KCNIP4: variants seen among roughly 807,000 people sequenced by gnomAD.
The protein encoded by KCNIP4 is Kv channel-interacting protein 4.
Under a neutral mutation model 34.0 loss-of-function variants are expected in KCNIP4, and 12 were observed. The ratio of observed to expected loss-of-function variants is 0.35; its 90% CI spans 0.23 to 0.57. The LOEUF (loss-of-function observed/expected upper bound fraction) is 0.57, where lower values mean the gene tolerates loss of function less well. Among genes scored for constraint, KCNIP4 ranks in the 20% least tolerant of loss-of-function variants. KCNIP4 has a pLI of 0.83. For synonymous variants in KCNIP4, 124 were observed against 102.2 expected, an observed-to-expected ratio of 1.21 and a Z score of -1.29; for missense variants, 238 against 311.7, an observed-to-expected ratio of 0.76 and a Z score of 1.78.
In KCNIP4 at chr4:21,371,406, G is replaced by A. The variant is rs1217493856; in HGVS notation, c.62-488697C>T. Among the ~76,000 whole-genome samples, 2 of 146,232 alleles carry A rather than the reference G, an allele frequency of 1.4e-5. 1 individual carries two copies. Among genetic ancestry groups the A allele is most frequent in the African/African-American group, 5.5e-5 (2 of 36,072 alleles). ...GATGTGTGCTGGCAGACACCTCTGG[G>A]GGAAAGAAAGGAAAATATGAGTTAT... On this transcript the variant is annotated intron_variant, in intron 1 of 8. Coordinates refer to ENST00000382152, the MANE Select transcript of KCNIP4 (RefSeq NM_025221.6).
intron 1 of KCNIP4, among the ~76,000 whole-genome samples, chr4:21,012,111 C>T (rs1739110807): frequency 6.6e-6 from 1 of 152,194 alleles, no homozygotes; most frequent in Admixed American, 6.5e-5. Context: ...ATACATCATT[C>T]CACCACTCCA....
At chr4:21,881,941 T>C (rs538998826) in intron 1 of KCNIP4, among the ~76,000 whole-genome samples, 7 of 152,102 alleles carry the variant, frequency 4.6e-5, no homozygotes, top group African/African-American at 1.4e-4. Flanking sequence ...CATGAACATA[T>C]TAAGACGGGA....
intron 1 of KCNIP4, chr4:21,848,145 C>T (rs1343515644): frequency 6.6e-6 from 1 of 152,116 alleles, no homozygotes; most frequent in Non-Finnish European, 1.5e-5. Context: ...AGTAGCCTCT[C>T]AAGTTCCACT....
intron 1 of KCNIP4, among the ~76,000 whole-genome samples, chr4:20,981,496 A>G (rs1736058455): frequency 6.6e-6 from 1 of 152,240 alleles, no homozygotes. Flanking sequence ...ATTAAGGAAG[A>G]TGTATAAAAG....
intron 1 of KCNIP4, among the ~76,000 whole-genome samples, chr4:21,007,487 G>C (rs988371550): frequency 1.3e-5 from 2 of 152,104 alleles, no homozygotes; most frequent in African/African-American, 4.8e-5. Context: ...TCAAAAACTA[G>C]ATCTTATTCA....
intron 1 of KCNIP4, among the ~76,000 whole-genome samples, chr4:21,172,501 T>C (rs1261995016): frequency 6.6e-6 from 1 of 152,128 alleles, no homozygotes; most frequent in Non-Finnish European, 1.5e-5. Context: ...ATCTAACACA[T>C]AAACTTGTGT....
intron 1 of KCNIP4, among the ~76,000 whole-genome samples, chr4:21,662,473 A>G (rs1331282976): frequency 6.6e-6 from 1 of 152,240 alleles, no homozygotes; most frequent in Non-Finnish European, 1.5e-5. Flanking sequence ...GCTAAACAGC[A>G]TTGGAAATGC....
intron 1 of KCNIP4, among the ~76,000 whole-genome samples, chr4:21,755,124 G>C (rs1901172): frequency 0.092 from 14,048 of 152,174 alleles, 2,183 homozygotes; most frequent in African/African-American, 0.32. Flanking sequence ...TGGAGACAGA[G>C]CAAGACACCG....
chr4:21,039,802 T>A (rs979763281), intron 1 of KCNIP4, among the ~76,000 whole-genome samples: 19 of 152,242 alleles, frequency 1.2e-4, no homozygotes, highest in Non-Finnish European at 1.9e-4. Flanking sequence ...CTCATTTAAT[T>A]AATTAATAGA....
intron 1 of KCNIP4, among the ~76,000 whole-genome samples, chr4:21,635,094 T>C (rs1746036747): frequency 6.6e-6 from 1 of 152,168 alleles, no homozygotes; most frequent in African/African-American, 2.4e-5. Flanking sequence ...AACACAAATA[T>C]AAAGTTATTT....
chr4:21,879,993 G>A (rs1198993116), intron 1 of KCNIP4, among the ~76,000 whole-genome samples: 1 of 152,082 alleles, frequency 6.6e-6, no homozygotes, highest in Non-Finnish European at 1.5e-5. Context: ...CTTCCACCAT[G>A]ATTGTAAGTT....
chr4:20,893,797 C>G (rs181856151), intron 1 of KCNIP4, among the ~76,000 whole-genome samples: 1 of 152,122 alleles, frequency 6.6e-6, no homozygotes, highest in South Asian at 2.1e-4. Context: ...AAAATGACAG[C>G]AGTATCTTTT....
chr4:21,367,885 G>A (rs1236079119), intron 1 of KCNIP4, among the ~76,000 whole-genome samples: 1 of 147,496 alleles, frequency 6.8e-6, no homozygotes, highest in Non-Finnish European at 1.5e-5. Flanking sequence ...TATTTGATTC[G>A]AGATAGCAAA....
At chr4:20,825,225 GTTTTTTTTTTTT>G (rs71181592) in intron 3 of KCNIP4, among the ~76,000 whole-genome samples, 1 of 113,634 alleles carries the variant, frequency 8.8e-6, no homozygotes, top group Admixed American at 9.4e-5. Flanking sequence ...TCAATTTTAC[GTTTTTTTTTTTT>G]TTTTTTTTTT....
chr4:20,832,826 A>AAAAGGAAAG (rs144422662), intron 3 of KCNIP4, among the ~76,000 whole-genome samples: 1 of 151,646 alleles, frequency 6.6e-6, no homozygotes, highest in African/African-American at 2.4e-5. Flanking sequence ...TTTGAATGAC[A>AAAAGGAAAG]GAAGGGATTT....
chr4:21,607,507 G>A (rs1226282980), intron 1 of KCNIP4, among the ~76,000 whole-genome samples: 2 of 151,908 alleles, frequency 1.3e-5, no homozygotes, highest in Non-Finnish European at 2.9e-5. Flanking sequence ...AATTCCCAAA[G>A]TGAATGAATG....
chr4:21,914,212 C>T (rs1728499638), intron 1 of KCNIP4, among the ~76,000 whole-genome samples: 1 of 152,110 alleles, frequency 6.6e-6, no homozygotes, highest in Non-Finnish European at 1.5e-5. Context: ...AGTAGGCAAA[C>T]ATTGAGCATA....
chr4:20,785,332 T>C (rs548703893), intron 3 of KCNIP4, among the ~76,000 whole-genome samples: 2,967 of 150,604 alleles, frequency 0.02, 33 homozygotes, highest in Non-Finnish European at 0.027. Flanking sequence ...TTTTTTCTTT[T>C]TTTTTTTTTT....
At chr4:21,664,604 C>T (rs1282720401) in intron 1 of KCNIP4, among the ~76,000 whole-genome samples, 1 of 152,000 alleles carries the variant, frequency 6.6e-6, no homozygotes, top group East Asian at 1.9e-4. Flanking sequence ...AGGTCAGGCA[C>T]CTCAGTTTAT....
Sources: allele counts gnomAD v4.1 joint callset (sites outside exome capture counted in the v4.1 genomes callset), GRCh38; gene constraint gnomAD v4.1.1; transcripts MANE v1.5; gene names NCBI Gene and HGNC (gene_info 2026-07-23, HGNC 2026-07-21).